Variants in PPP2R5C observed in about 807,000 individuals in gnomAD.
PPP2R5C encodes serine/threonine-protein phosphatase 2A 56 kDa regulatory subunit gamma isoform.
PPP2R5C carries 7 observed loss-of-function variants against 68.9 expected under a neutral mutation model. The ratio of observed to expected loss-of-function variants is 0.10; its 90% CI spans 0.06 to 0.19. PPP2R5C has a LOEUF of 0.19. Ranked by LOEUF, PPP2R5C falls within the 10% of genes least tolerant of loss-of-function variation. The pLI is 1.00. For missense variants in PPP2R5C, 348 were observed against 641.3 expected (o/e 0.54, Z 4.94); for synonymous variants, 210 against 222.2 (o/e 0.95, Z 0.49).
chr14:101,837,278 G>A (rs1237188586), intron 1 of PPP2R5C, among the ~76,000 whole-genome samples: 1 of 151,964 alleles, frequency 6.6e-6, no homozygotes, highest in Non-Finnish European at 1.5e-5. Context: ...CAAGTAGCTG[G>A]GATTACAGTC....
chr14:101,884,059 A>G (rs1678029), intron 5 of PPP2R5C, among the ~76,000 whole-genome samples: 50,300 of 152,092 alleles, frequency 0.33, 12,066 homozygotes, highest in African/African-American at 0.68. Flanking sequence ...CGGACAGTGC[A>G]GCCTTCAGTC....
intron 1 of PPP2R5C, among the ~76,000 whole-genome samples, chr14:101,828,991 C>G (rs887380295): frequency 6.6e-6 from 1 of 152,188 alleles, no homozygotes; most frequent in East Asian, 1.9e-4. Context: ...AAAAGATATT[C>G]TTTTTCTTAC....
chr14:101,824,037 G>A (rs1281175222), intron 1 of PPP2R5C: 2 of 1,288,988 alleles, frequency 1.6e-6, no homozygotes, highest in Non-Finnish European at 2.0e-6. Context: ...TTGTTCCGTG[G>A]CACAGCCCCA....
At chr14:101,902,986 G>C (rs2045786716) in intron 9 of PPP2R5C, among the ~76,000 whole-genome samples, 1 of 150,506 alleles carries the variant, frequency 6.6e-6, no homozygotes, top group African/African-American at 2.5e-5. Context: ...TTTCACATTA[G>C]GAACTAAGAA....
At chr14:101,862,726 A>G (rs1415845899) in intron 2 of PPP2R5C, among the ~76,000 whole-genome samples, 2 of 152,206 alleles carry the variant, frequency 1.3e-5, no homozygotes, top group East Asian at 1.9e-4. Flanking sequence ...AATTTACAGA[A>G]ATGTAAAACA....
chr14:101,864,388 G>A (rs2042934012), intron 2 of PPP2R5C, among the ~76,000 whole-genome samples: 1 of 152,076 alleles, frequency 6.6e-6, no homozygotes, highest in African/African-American at 2.4e-5. Flanking sequence ...AATGTGTATT[G>A]CAGACACCAT....
Position 101,901,660 on chromosome 14 carries a change from C to A in PPP2R5C, c.853-59C>A. ...CCGCAGTGAAAACACAGACTTCTTA[C>A]CATGCAGGTGTTGGGGCCTCGTGGG... is the stretch of plus-strand genomic sequence containing the variant. On this transcript the variant is annotated intron_variant, in intron 8 of 13. Transcript: ENST00000334743. 2.6e-6 allele frequency: 4 copies of A among 1,554,200 alleles called. No homozygotes were observed. In the South Asian group the frequency reaches 4.5e-5, roughly 17 times the overall value.
chr14:101,849,788 T>G (rs2042045477), intron 1 of PPP2R5C, among the ~76,000 whole-genome samples: 1 of 152,212 alleles, frequency 6.6e-6, no homozygotes, highest in South Asian at 2.1e-4. Context: ...AAGGCCGACT[T>G]TTCCTCACTC....
At chr14:101,770,001 T>C (rs1260067555) in intron 2 of PPP2R5C, among the ~76,000 whole-genome samples, 4 of 152,198 alleles carry the variant, frequency 2.6e-5, no homozygotes, top group African/African-American at 4.8e-5. Flanking sequence ...CTGTACAGCA[T>C]GTCATTTAAC....
At chr14:101,828,254 G>A (rs968207307) in intron 1 of PPP2R5C, among the ~76,000 whole-genome samples, 2 of 152,102 alleles carry the variant, frequency 1.3e-5, no homozygotes, top group East Asian at 1.9e-4. Flanking sequence ...GGAGGAAGGG[G>A]GAGTAGTTAC....
chr14:101,771,222 C>CGTGTGTGTGTGTGT lies in PPP2R5C; in HGVS notation c.93+8281_93+8294dup, dbSNP rs3993402. Among the ~76,000 whole-genome samples, 275 of 135,482 alleles carry CGTGTGTGTGTGTGT rather than the reference C, an allele frequency of 2.0e-3. 1 individual carries two copies. Among genetic ancestry groups the CGTGTGTGTGTGTGT allele is most frequent in the Admixed American group, 3.6e-3 (47 of 13,222 alleles). 88.9% of individuals were successfully genotyped at this position (135,482 alleles called of 152,430 possible). A position where few individuals can be genotyped will look rare whatever the true frequency, so the allele number is the denominator to read the frequency against. Reference sequence around the variant, plus strand: ...AGGGCATTTGGCTTTTTCTTCATCTCGTGTGTGTGTGTGTGTGTGTGTGTG... The same window carrying CGTGTGTGTGTGTGT: ...AGGGCATTTGGCTTTTTCTTCATCTCGTGTGTGTGTGTGTGTGTGTGTGTGTGTGTGTGTGTGTG... On this transcript the variant is annotated intron_variant, in intron 2 of 14. Coordinates refer to the PPP2R5C transcript ENST00000328724.
chr14:101,818,157 A>C (rs1281881770), intron 1 of PPP2R5C: 1 of 152,236 alleles, frequency 6.6e-6, no homozygotes, highest in African/African-American at 2.4e-5. Flanking sequence ...GGTCCTAAGC[A>C]CATGTCCACG....
At chr14:101,761,391 C>G (rs1459258640), upstream of PPP2R5C, among the ~76,000 whole-genome samples, 2 of 152,064 alleles carry the variant, frequency 1.3e-5, no homozygotes, top group African/African-American at 2.4e-5. Context: ...GTCGGCTCAG[C>G]TCTGCTCAGC....
At position 101,848,399 on chromosome 14, in the gene PPP2R5C, C is replaced by T. The variant is rs1039150734; in HGVS notation, c.95-8287C>T. On this transcript the variant is annotated intron_variant, in intron 1 of 13. Coordinates refer to ENST00000334743, the Ensembl canonical transcript of PPP2R5C. Reference sequence around the variant, plus strand: ...TACAAAAATTAGCCAGGCGTGGTGGCGAGCACCTATAGTCCCAGCTACTCA... The same window carrying T: ...TACAAAAATTAGCCAGGCGTGGTGGTGAGCACCTATAGTCCCAGCTACTCA... 3.3e-5 allele frequency among the ~76,000 whole-genome samples: 5 copies of T among 151,894 alleles called. No individual in the cohort carries two copies. The South Asian group carries it at 6.2e-4, about 19-fold the overall frequency.
intron 1 of PPP2R5C, among the ~76,000 whole-genome samples, chr14:101,844,522 G>A (rs909712023): frequency 6.6e-6 from 1 of 152,174 alleles, no homozygotes; most frequent in Non-Finnish European, 1.5e-5. Flanking sequence ...GTCTGTCACC[G>A]ACCCTCCCTG....
At chr14:101,815,854 T>G (rs563619411) in intron 1 of PPP2R5C, among the ~76,000 whole-genome samples, 2 of 152,100 alleles carry the variant, frequency 1.3e-5, no homozygotes, top group South Asian at 2.1e-4. Context: ...ATTTTTAGTA[T>G]AGACAGGGTT....
chr14:101,811,151 C>T (rs2039335720), intron 1 of PPP2R5C, among the ~76,000 whole-genome samples: 1 of 152,140 alleles, frequency 6.6e-6, no homozygotes, highest in Admixed American at 6.5e-5. Flanking sequence ...CTTTTCTCTC[C>T]AAACTATCTT....
intron 5 of PPP2R5C, among the ~76,000 whole-genome samples, chr14:101,886,743 T>G (rs1481776534): frequency 6.6e-6 from 1 of 151,850 alleles, no homozygotes; most frequent in Non-Finnish European, 1.5e-5. Context: ...TCTCCTTTTT[T>G]AAGGCAGGGT....
At chr14:101,768,246 G>A (rs1313424538) in intron 2 of PPP2R5C, among the ~76,000 whole-genome samples, 3 of 152,118 alleles carry the variant, frequency 2.0e-5, no homozygotes, top group African/African-American at 7.2e-5. Context: ...TCCAAAATAT[G>A]TACATTTGCT....
Sources: allele counts gnomAD v4.1 joint callset (sites outside exome capture counted in the v4.1 genomes callset), GRCh38; gene constraint gnomAD v4.1.1; transcripts MANE v1.5; gene names NCBI Gene and HGNC (gene_info 2026-07-23, HGNC 2026-07-21).